Variants in MTTP observed in about 807,000 individuals in gnomAD.
MTTP encodes the protein microsomal triglyceride transfer protein.
Under a neutral mutation model 90.6 loss-of-function variants are expected in MTTP, and 49 were observed. That is an observed-to-expected ratio of 0.54 (90% CI 0.43 to 0.69). The LOEUF is 0.69. Ranked by LOEUF, MTTP falls within the 30% of genes least tolerant of loss-of-function variation. The pLI, the probability that MTTP is intolerant of heterozygous loss-of-function variation, is 0.00. For missense variants in MTTP, 945 were observed against 1,067.5 expected, an observed-to-expected ratio of 0.89 and a Z score of 1.60; for synonymous variants, 347 against 384.2, an observed-to-expected ratio of 0.90 and a Z score of 1.13.
At chr4:99,611,119 T>A in intron 12 of MTTP, 24 bp from the exon 13 acceptor site, 3 of 1,572,440 alleles carry the variant, frequency 1.9e-6, no homozygotes, top group East Asian at 2.3e-5. Flanking sequence ...AATGTGCAGC[T>A]TTTTTTTTCC....
intron 7 of MTTP, 49 bp downstream of exon 7, chr4:99,594,932 C>A (rs778335957): frequency 1.2e-6 from 2 of 1,600,870 alleles, no homozygotes; most frequent in African/African-American, 1.3e-5. Context: ...ACTCTGTTTT[C>A]ATTTTGTCTC....
intron 5 of MTTP, 132 bp from the exon 6 acceptor site, chr4:99,591,519 G>A (rs143415978): frequency 8.9e-6 from 10 of 1,126,780 alleles, no homozygotes; most frequent in Middle Eastern, 2.7e-4. Context: ...TTCAATTGTT[G>A]TAGGTGTTAG....
chr4:99,584,844 C>A (rs1312886699), intron 3 of MTTP, among the ~76,000 whole-genome samples: 1 of 152,094 alleles, frequency 6.6e-6, no homozygotes, highest in African/African-American at 2.4e-5. Context: ...CTCCCCTTCA[C>A]CTCCATGCCC....
chr4:99,578,485 C>T (rs2110209692), intron 1 of MTTP, among the ~76,000 whole-genome samples: 1 of 152,244 alleles, frequency 6.6e-6, no homozygotes. Context: ...TAGCACAGTC[C>T]ACCTTATTTG....
At position 99,611,139 on chromosome 4, in the gene MTTP, G is replaced by A; in HGVS notation, c.1770-4G>A. The A allele has an allele frequency of 6.2e-7, 1 of 1,612,340 alleles. No individual in the cohort carries two copies. The highest frequency in any genetic ancestry group is 8.5e-7 in the Non-Finnish European group (1 of 1,178,908). The stretch of plus-strand genomic sequence containing the variant: ...GCAGCTTTTTTTTTCCTCATATGTT[G>A]CAGCAAAATTGTCCGTCGAGTTCTG... On this transcript the variant is annotated splice_polypyrimidine_tract_variant and splice_region_variant and intron_variant, in intron 12 of 17. Coordinates refer to ENST00000265517, the MANE Select transcript of MTTP (RefSeq NM_001386140.1).
Position 99,591,274 on chromosome 4 carries a change from C to G in MTTP, c.541C>G (p.His181Asp). 6.2e-7 allele frequency: 1 copy of G among 1,613,950 alleles called. No individual in the cohort carries two copies. The highest frequency in any genetic ancestry group is 1.1e-5 in the South Asian group (1 of 91,082). ...AAATTGTAAAGTGACCTACCAGGCTCATCAAGACAAAGTGATCAAAATTAA... is the reference window on the plus strand; with the variant it reads ...AAATTGTAAAGTGACCTACCAGGCTGATCAAGACAAAGTGATCAAAATTAA... ...SGNCKVTYQA[H>D]QDKVIKIKAL... is the part of the protein sequence containing the mutation. The change falls in exon 5 of 18, where the codon CAT becomes GAT. Residue 181 changes from histidine to aspartate, a missense_variant. Physicochemically the swap from His to Asp is moderately conservative, Grantham distance 81. Coordinates refer to ENST00000265517, the MANE Select transcript of MTTP (RefSeq NM_001386140.1).
At chr4:99,613,174 C>G in intron 15 of MTTP, 34 bp downstream of exon 15, 1 of 1,545,194 alleles carries the variant, frequency 6.5e-7, no homozygotes, top group Non-Finnish European at 8.9e-7. Context: ...TTTATTGAGT[C>G]CCTAAAATAC....
chr4:99,618,741 G>A (rs1001579269), intron 15 of MTTP, among the ~76,000 whole-genome samples: 1 of 152,112 alleles, frequency 6.6e-6, no homozygotes, highest in Non-Finnish European at 1.5e-5. Flanking sequence ...CTTCTTAATT[G>A]GCACTTCATC....
At chr4:99,573,694 A>C (rs1030808929), upstream of MTTP, among the ~76,000 whole-genome samples, 3 of 152,198 alleles carry the variant, frequency 2.0e-5, no homozygotes, top group African/African-American at 7.2e-5. Context: ...TGTCTGGAAG[A>C]TTTAAGCTCA....
chr4:99,606,471 C>T (rs1725818837), intron 10 of MTTP, among the ~76,000 whole-genome samples: 1 of 152,104 alleles, frequency 6.6e-6, no homozygotes, highest in East Asian at 1.9e-4. Context: ...AAAAAGTGGC[C>T]TTATATATTC....
intron 11 of MTTP, among the ~76,000 whole-genome samples, 156 bp downstream of exon 11, chr4:99,607,116 A>G (rs1040909675): frequency 6.6e-6 from 1 of 152,080 alleles, no homozygotes; most frequent in Non-Finnish European, 1.5e-5. Context: ...ATTTGCGGCT[A>G]TTCTAAATAT....
At chr4:99,611,271 A>G (rs2110231832) in intron 13 of MTTP, 31 bp downstream of exon 13, 1 of 1,613,890 alleles carries the variant, frequency 6.2e-7, no homozygotes, top group South Asian at 1.1e-5. Flanking sequence ...TTCTCCTTCC[A>G]TACCCCACAA....
chr4:99,614,463 G>T (rs1260722633), intron 15 of MTTP, among the ~76,000 whole-genome samples: 1 of 152,174 alleles, frequency 6.6e-6, no homozygotes, highest in Non-Finnish European at 1.5e-5. Context: ...TATCAGCTCA[G>T]GATAGCTGTA....
intron 1 of MTTP, among the ~76,000 whole-genome samples, chr4:99,577,613 A>G (rs1184033765): frequency 6.7e-6 from 1 of 149,374 alleles, no homozygotes; most frequent in Non-Finnish European, 1.5e-5. Context: ...TTCAAAAAAA[A>G]AAAAAAAAAG....
intron 3 of MTTP, among the ~76,000 whole-genome samples, chr4:99,586,479 G>A (rs946865246): frequency 6.6e-5 from 10 of 151,940 alleles, no homozygotes; most frequent in South Asian, 2.1e-4. Flanking sequence ...TATTGTTTCC[G>A]GGCATTGATT....
At chr4:99,579,377 C>T (rs1218357604) in intron 1 of MTTP, among the ~76,000 whole-genome samples, 3 of 152,274 alleles carry the variant, frequency 2.0e-5, no homozygotes, top group South Asian at 4.1e-4. Flanking sequence ...CTTTGGTCTC[C>T]CTGCTCTTCC....
chr4:99,591,699 G>A lies in MTTP; in HGVS notation c.667G>A (p.Glu223Lys). Residue 223 changes from glutamate (E) to lysine (K), a missense_variant, in exon 6 of 18, where the codon GAA becomes AAA. By Grantham distance (56) the Glu-to-Lys change is moderately conservative (BLOSUM62 1). Transcript: ENST00000265517. Reference protein sequence around the residue: ...KATSVTTYKIEDSFVIAVLAE... With the variant: ...KATSVTTYKIKDSFVIAVLAE... ...TACATCTGTCACCACCTATAAGATA[G>A]AAGACAGCTTTGTTATAGCTGTGCT... 6 of 1,612,976 alleles carry A rather than the reference G, an allele frequency of 3.7e-6. No homozygotes were observed. The South Asian group carries it at 6.6e-5, about 18-fold the overall frequency.
rs886058957 is a variant in MTTP, at chr4:99,594,807, A to G, written c.833A>G (p.Lys278Arg). The G allele has an allele frequency of 7.4e-6, 12 of 1,613,960 alleles. 1 individual carries two copies. Among genetic ancestry groups the G allele is most frequent in the Non-Finnish European group, 1.0e-5 (12 of 1,179,948 alleles). ...MSGKQAAAII[K>R]AVDSKYTAIP... ...GGAAAGCAGGCTGCAGCCATAATCA[A>G]AGCAGTTGATTCAAAGTACACGGCC... Residue 278 changes from lysine to arginine, a missense_variant, in exon 7 of 18, where the codon AAA becomes AGA. Lys to Arg is a conservative substitution (Grantham distance 26, BLOSUM62 2). Transcript: ENST00000265517.
At position 99,611,393 on chromosome 4, in the gene MTTP, AAGG is replaced by A; in HGVS notation, c.1932_1934del (p.Arg645del). 1 of 1,614,028 alleles carries A rather than the reference AAGG, an allele frequency of 6.2e-7. No homozygotes were observed. The highest frequency in any genetic ancestry group is 8.5e-7 in the Non-Finnish European group (1 of 1,179,910). On this transcript the variant is annotated inframe_deletion, in exon 14 of 18. Coordinates refer to ENST00000265517, the MANE Select transcript of MTTP (RefSeq NM_001386140.1). Reference sequence around the variant, plus strand: ...TTCTCTACTCGGGTTCTGGCATTCTAAGGAGAAGTAACCTGAACATCTTTCAGT... The same window carrying A: ...TTCTCTACTCGGGTTCTGGCATTCTAAGAAGTAACCTGAACATCTTTCAGT...
Sources: gnomAD v4.1 joint callset for allele counts (sites outside exome capture counted in the v4.1 genomes callset) on GRCh38, gnomAD v4.1.1 for gene constraint, MANE v1.5 for transcripts, NCBI Gene and HGNC (gene_info 2026-07-23, HGNC 2026-07-21) for gene names.